UBE2V2: variants seen among roughly 807,000 people sequenced by gnomAD.
UBE2V2 encodes the protein ubiquitin-conjugating enzyme E2 variant 2.
UBE2V2 carries 9 observed loss-of-function variants against 17.2 expected under a neutral mutation model. That is an observed-to-expected ratio of 0.52 (90% CI 0.32 to 0.91). The LOEUF is 0.91. UBE2V2 is among the 40% of genes least tolerant of loss of function. The probability of loss-of-function intolerance (pLI) is 0.04; values close to 1 mark genes in which losing one functional copy is unlikely to be tolerated. For missense variants in UBE2V2, 133 were observed against 182.6 expected, an observed-to-expected ratio of 0.73 and a Z score of 1.56; for synonymous variants, 61 against 57.5, an observed-to-expected ratio of 1.06 and a Z score of -0.28.
chr8:48,057,898 T>C (rs1165253184), intron 3 of UBE2V2, among the ~76,000 whole-genome samples: 2 of 152,250 alleles, frequency 1.3e-5, no homozygotes, highest in Non-Finnish European at 2.9e-5. Context: ...GAATTGTCTA[T>C]ATACCAGATC....
At chr8:48,049,571 A>G (rs974190909) in intron 2 of UBE2V2, 1 of 212,188 alleles carries the variant, frequency 4.7e-6, no homozygotes, top group African/African-American at 2.3e-5. Flanking sequence ...CATCATTTTT[A>G]TCACAAAAGC....
At chr8:48,015,104 G>A (rs1243427847) in intron 1 of UBE2V2, among the ~76,000 whole-genome samples, 2 of 151,496 alleles carry the variant, frequency 1.3e-5, no homozygotes, top group African/African-American at 4.9e-5. Context: ...GAGGCTGGGT[G>A]CAGTGGCTTC....
intron 2 of UBE2V2, among the ~76,000 whole-genome samples, chr8:48,047,550 A>C (rs1466374621): frequency 6.6e-6 from 1 of 151,324 alleles, no homozygotes; most frequent in Non-Finnish European, 1.5e-5. Flanking sequence ...GAAAAACTTG[A>C]CTGTTAATTA....
chr8:48,008,291 G>A (rs2091198770), upstream of UBE2V2: 1 of 787,992 alleles, frequency 1.3e-6, no homozygotes, highest in Non-Finnish European at 1.8e-6. Context: ...AAACAGCAGC[G>A]AGGCCCCGCG....
intron 1 of UBE2V2, among the ~76,000 whole-genome samples, chr8:48,022,930 C>T (rs1305792400): frequency 6.6e-6 from 1 of 151,028 alleles, no homozygotes; most frequent in East Asian, 2.0e-4. Context: ...TGAGCCCAGC[C>T]CCTGCGAGCG....
intron 2 of UBE2V2, among the ~76,000 whole-genome samples, chr8:48,046,675 C>T (rs947697860): frequency 6.6e-6 from 1 of 152,168 alleles, no homozygotes; most frequent in African/African-American, 2.4e-5. Flanking sequence ...TCACACCTCA[C>T]AGCCTGGACC....
At chr8:48,024,595 C>CA (rs762229248) in intron 1 of UBE2V2, among the ~76,000 whole-genome samples, 251 of 121,972 alleles carry the variant, frequency 2.1e-3, no homozygotes, top group Middle Eastern at 4.6e-3. Context: ...AACTCCGTCT[C>CA]AAAAAAAAAA....
At chr8:48,031,073 G>A (rs1331317595) in intron 1 of UBE2V2, among the ~76,000 whole-genome samples, 1 of 152,030 alleles carries the variant, frequency 6.6e-6, no homozygotes, top group Non-Finnish European at 1.5e-5. Flanking sequence ...GCCAGGTGTG[G>A]TGGCAGGCAC....
At chr8:48,021,363 G>A (rs576988182) in intron 1 of UBE2V2, among the ~76,000 whole-genome samples, 1 of 146,554 alleles carries the variant, frequency 6.8e-6, no homozygotes, top group African/African-American at 2.5e-5. Context: ...CTGGAGTGCA[G>A]TGGTGCAATC....
intron 1 of UBE2V2, among the ~76,000 whole-genome samples, chr8:48,021,025 C>T (rs1284977154): frequency 1.3e-5 from 2 of 151,564 alleles, no homozygotes; most frequent in Non-Finnish European, 2.9e-5. Context: ...GGGTTTCAGG[C>T]ATGATCCACT....
At chr8:48,035,631 TTGTGTGTGTGTG>T (rs201716659) in intron 1 of UBE2V2, among the ~76,000 whole-genome samples, 1 of 109,524 alleles carries the variant, frequency 9.1e-6, no homozygotes, top group Non-Finnish European at 1.8e-5. Flanking sequence ...TTTTTTTTTT[TTGTGTGTGTGTG>T]TGTGTGTGTG....
At chr8:48,048,533 C>A (rs905868632) in intron 2 of UBE2V2, among the ~76,000 whole-genome samples, 3 of 152,166 alleles carry the variant, frequency 2.0e-5, no homozygotes, top group Admixed American at 2.0e-4. Context: ...CCAAGATAAT[C>A]ATGAGATCTA....
intron 1 of UBE2V2, among the ~76,000 whole-genome samples, chr8:48,022,233 G>A (rs2091310810): frequency 1.3e-5 from 2 of 150,846 alleles, no homozygotes; most frequent in South Asian, 4.2e-4. Flanking sequence ...CGCCTCCCGG[G>A]TTCATGTGAT....
chr8:48,039,636 A>G (rs45555933), intron 1 of UBE2V2, among the ~76,000 whole-genome samples: 56 of 152,224 alleles, frequency 3.7e-4, no homozygotes, highest in African/African-American at 1.3e-3. Context: ...TAATCTGCCT[A>G]TAATTGATTT....
chr8:48,040,563 T>G (rs1372199567), intron 1 of UBE2V2, among the ~76,000 whole-genome samples: 1 of 152,150 alleles, frequency 6.6e-6, no homozygotes. Context: ...GATTCCATAT[T>G]TTCTTAATGA....
At chr8:48,052,886 T>C (rs2091548295) in intron 3 of UBE2V2, among the ~76,000 whole-genome samples, 1 of 152,152 alleles carries the variant, frequency 6.6e-6, no homozygotes, top group African/African-American at 2.4e-5. Flanking sequence ...CTCCTATGGG[T>C]CCTTCATTTC....
At chr8:48,052,294 C>T (rs2091543867) in intron 3 of UBE2V2, among the ~76,000 whole-genome samples, 1 of 152,192 alleles carries the variant, frequency 6.6e-6, no homozygotes, top group Non-Finnish European at 1.5e-5. Flanking sequence ...TGCTACTAGA[C>T]ATATCTGGTT....
At chr8:48,054,027 A>C (rs997272135) in intron 3 of UBE2V2, among the ~76,000 whole-genome samples, 3 of 150,904 alleles carry the variant, frequency 2.0e-5, no homozygotes, top group African/African-American at 4.9e-5. Context: ...CTGGTGTTCA[A>C]CTCCTGACCT....
chr8:48,042,690 G>A lies in UBE2V2; in HGVS notation c.17-343G>A, dbSNP rs560939480. ...ACTTTGGCTTCTATGAACTTTCTGG[G>A]CATGCCTGTTTGATTGGTGCAGAGT... On this transcript the variant is annotated intron_variant, in intron 1 of 3. Coordinates refer to ENST00000523111, the MANE Select transcript of UBE2V2 (RefSeq NM_003350.3). The A allele has an allele frequency of 4.5e-4, 73 of 163,658 alleles. 1 individual carries two copies. The South Asian group carries it at 0.014, about 32-fold the overall frequency. The allele number at this position is 163,658 out of a possible 1,614,324, so 10.1% of individuals were successfully genotyped here. A position where few individuals can be genotyped will look rare whatever the true frequency, so the allele number is the denominator to read the frequency against.
Sources: allele counts gnomAD v4.1 joint callset (sites outside exome capture counted in the v4.1 genomes callset), GRCh38; gene constraint gnomAD v4.1.1; transcripts MANE v1.5; gene names NCBI Gene and HGNC (gene_info 2026-07-23, HGNC 2026-07-21).